Variants in FRMD6 observed in about 807,000 individuals in gnomAD.
FRMD6 encodes FERM domain-containing protein 6.
Under a neutral mutation model 73.2 loss-of-function variants are expected in FRMD6, and 37 were observed. That is an observed-to-expected ratio of 0.51 (90% CI 0.39 to 0.66). The LOEUF is 0.66. Ranked by LOEUF, FRMD6 falls within the 30% of genes least tolerant of loss-of-function variation. FRMD6 has a pLI of 0.00. For synonymous variants in FRMD6, 273 were observed against 282.2 expected (o/e 0.97, Z 0.33); for missense variants, 714 against 780.5 (o/e 0.91, Z 1.02).
the FRMD6 span, among the ~76,000 whole-genome samples, chr14:51,451,790 C>G: frequency 2.0e-5 from 3 of 152,252 alleles, no homozygotes; most frequent in Admixed American, 2.0e-4. Flanking sequence ...TTTGCCATGA[C>G]TGGGATCTTC....
At chr14:51,652,399 C>T (rs1396815687) in intron 1 of FRMD6, among the ~76,000 whole-genome samples, 4 of 152,210 alleles carry the variant, frequency 2.6e-5, no homozygotes, top group African/African-American at 9.6e-5. Context: ...CCCTGGTTCT[C>T]TGCATCGCGG....
At chr14:51,417,187 C>T in the FRMD6 span, among the ~76,000 whole-genome samples, 1 of 152,244 alleles carries the variant, frequency 6.6e-6, no homozygotes, top group Middle Eastern at 3.4e-3. Context: ...GAATTTGATC[C>T]TGTCATTATG....
intron 1 of FRMD6, among the ~76,000 whole-genome samples, chr14:51,525,713 C>T (rs1192855344): frequency 6.6e-6 from 1 of 152,144 alleles, no homozygotes; most frequent in Non-Finnish European, 1.5e-5. Context: ...CACCATAACC[C>T]CTGACCTTAC....
chr14:51,439,759 G>A, the FRMD6 span, among the ~76,000 whole-genome samples: 94 of 152,288 alleles, frequency 6.2e-4, no homozygotes, highest in African/African-American at 2.0e-3. Flanking sequence ...TTGAGCTCTA[G>A]CTAAGTAGAA....
In FRMD6 at chr14:51,686,835, C is replaced by T. The variant is rs528272289; in HGVS notation, c.-146-2856C>T. ...GGTATAAATTTAATCTAATTCTTTT[C>T]CCCAGGACTGCCCAATTTAAGATTA... On this transcript the variant is annotated intron_variant, in intron 1 of 13. Coordinates refer to ENST00000344768, the MANE Select transcript of FRMD6 (RefSeq NM_001267046.2). Among the ~76,000 whole-genome samples, 299 of 152,204 alleles carry T rather than the reference C, an allele frequency of 2.0e-3. 1 individual carries two copies. Among genetic ancestry groups the T allele is most frequent in the African/African-American group, 7.0e-3 (290 of 41,536 alleles).
chr14:51,677,024 C>A (rs1245390674), intron 1 of FRMD6, among the ~76,000 whole-genome samples: 1 of 151,798 alleles, frequency 6.6e-6, no homozygotes. Flanking sequence ...TTGCTTTTTT[C>A]CTTAATGTTG....
chr14:51,663,985 C>T (rs1043633501), intron 1 of FRMD6, among the ~76,000 whole-genome samples: 1 of 152,222 alleles, frequency 6.6e-6, no homozygotes, highest in Non-Finnish European at 1.5e-5. Flanking sequence ...TTGTTAGGCC[C>T]CATCTCCCAA....
At chr14:51,440,522 C>T in the FRMD6 span, among the ~76,000 whole-genome samples, 1 of 152,124 alleles carries the variant, frequency 6.6e-6, no homozygotes, top group South Asian at 2.1e-4. Flanking sequence ...GTCCTAACTG[C>T]ACACGTTTAG....
At chr14:51,526,672 A>C (rs1483282181) in intron 1 of FRMD6, among the ~76,000 whole-genome samples, 4 of 152,208 alleles carry the variant, frequency 2.6e-5, no homozygotes, top group African/African-American at 9.6e-5. Context: ...ATTTGCAAAC[A>C]AACACAACAA....
intron 1 of FRMD6, among the ~76,000 whole-genome samples, chr14:51,519,268 G>C (rs1326245746): frequency 6.7e-6 from 1 of 149,094 alleles, no homozygotes; most frequent in African/African-American, 2.5e-5. Context: ...GGGTTCAAGT[G>C]ATTTTCCTGT....
intron 2 of FRMD6, among the ~76,000 whole-genome samples, chr14:51,581,926 G>A (rs1369679002): frequency 6.6e-6 from 1 of 152,190 alleles, no homozygotes; most frequent in East Asian, 1.9e-4. Context: ...AACCACAGTA[G>A]GTGAAAGACT....
intron 1 of FRMD6, among the ~76,000 whole-genome samples, chr14:51,513,731 C>G (rs575226994): frequency 3.1e-4 from 42 of 137,294 alleles, no homozygotes; most frequent in African/African-American, 1.2e-3. Context: ...AGTCTTTGAC[C>G]TGGGCTGAAG....
At chr14:51,719,998 A>T in intron 10 of FRMD6, 57 bp from the exon 11 acceptor site, 1 of 1,374,936 alleles carries the variant, frequency 7.3e-7, no homozygotes, top group Non-Finnish European at 1.0e-6. Flanking sequence ...TGAGTCACTT[A>T]AGCTCACCAG....
chr14:51,685,269 G>T (rs1895074253), intron 1 of FRMD6, among the ~76,000 whole-genome samples: 1 of 152,150 alleles, frequency 6.6e-6, no homozygotes, highest in Non-Finnish European at 1.5e-5. Context: ...TCTTCATTTA[G>T]ATGTTTCCTT....
At chr14:51,549,574 G>A (rs1886665651) in intron 1 of FRMD6, among the ~76,000 whole-genome samples, 1 of 142,774 alleles carries the variant, frequency 7.0e-6, no homozygotes, top group Non-Finnish European at 1.5e-5. Context: ...CACAGCTGGA[G>A]TATAAACTTT....
intron 2 of FRMD6, chr14:51,579,063 C>T (rs1031814381): frequency 6.6e-6 from 1 of 152,168 alleles, no homozygotes; most frequent in Non-Finnish European, 1.5e-5. Context: ...AGATGTATCA[C>T]TTCCCTTTGG....
At chr14:51,621,362 C>T (rs1428636706) in intron 2 of FRMD6, among the ~76,000 whole-genome samples, 1 of 152,112 alleles carries the variant, frequency 6.6e-6, no homozygotes, top group Admixed American at 6.6e-5. Context: ...AGCTTTTCTG[C>T]CTTTCTCTTA....
At chr14:51,460,412 T>C in the FRMD6 span, among the ~76,000 whole-genome samples, 1 of 152,232 alleles carries the variant, frequency 6.6e-6, no homozygotes, top group African/African-American at 2.4e-5. Context: ...ATACCTACAA[T>C]TAACACTTAT....
chr14:51,462,999 T>C, the FRMD6 span, among the ~76,000 whole-genome samples: 25 of 152,330 alleles, frequency 1.6e-4, no homozygotes, highest in Non-Finnish European at 2.8e-4. Context: ...CCTTGCTAGA[T>C]TGTTATAAAA....
Sources: gnomAD v4.1 joint callset for allele counts (sites outside exome capture counted in the v4.1 genomes callset) on GRCh38, gnomAD v4.1.1 for gene constraint, MANE v1.5 for transcripts, NCBI Gene and HGNC (gene_info 2026-07-23, HGNC 2026-07-21) for gene names.